MAP3K4: variants seen among roughly 807,000 people sequenced by gnomAD.
MAP3K4 encodes mitogen-activated protein kinase kinase kinase 4, also known as MAP three kinase 1.
A neutral mutation model predicts 185.6 loss-of-function variants in MAP3K4; 67 were observed. The observed-to-expected ratio is 0.36, with a 90% CI of 0.30 to 0.44. The LOEUF is 0.44. Ranked by LOEUF, MAP3K4 falls within the 20% of genes least tolerant of loss-of-function variation. The pLI is 1.00. For missense variants in MAP3K4, 1,551 were observed against 1,995.1 expected, an observed-to-expected ratio of 0.78 and a Z score of 4.24; for synonymous variants, 702 against 710.4, an observed-to-expected ratio of 0.99 and a Z score of 0.19.
intron 1 of MAP3K4, among the ~76,000 whole-genome samples, chr6:161,019,085 T>A (rs191500484): frequency 9.1e-4 from 139 of 152,294 alleles, no homozygotes; most frequent in African/African-American, 3.2e-3. Context: ...GTATTGAGTT[T>A]TAGGAGAAAA....
At chr6:161,069,386 A>G (rs778977818) in intron 3 of MAP3K4, among the ~76,000 whole-genome samples, 64 of 152,292 alleles carry the variant, frequency 4.2e-4, no homozygotes, top group Non-Finnish European at 8.1e-4. Flanking sequence ...TGAAGTGGAA[A>G]ATAAAGAGGC....
rs2114759692 is a variant in MAP3K4, at chr6:161,048,522, T to C, written c.344-94T>C. ...TTCTTCCATTAGCAGTCTGAAAATA[T>C]AAATATGTGTGAATACCAGTTTTAT... On this transcript the variant is annotated intron_variant, in intron 2 of 26. Transcript: ENST00000392142. The surrounding 1 kb of genome is among the most constrained non-coding windows in gnomAD (Gnocchi z 4.7). 3.7e-6 allele frequency: 3 copies of C among 807,658 alleles called. No homozygotes were observed. The highest frequency in any genetic ancestry group is 2.0e-5 in the South Asian group (1 of 49,376). The allele number at this position is 807,658 out of a possible 1,614,324, so 50.0% of individuals were successfully genotyped here. A position where few individuals can be genotyped will look rare whatever the true frequency, so the allele number is the denominator to read the frequency against.
At chr6:160,997,130 C>T (rs1250147332) in intron 1 of MAP3K4, among the ~76,000 whole-genome samples, 2 of 152,018 alleles carry the variant, frequency 1.3e-5, no homozygotes, top group Admixed American at 6.6e-5. Flanking sequence ...TATATTTTAT[C>T]CTTCTCACTT....
chr6:161,100,769 T>G lies in MAP3K4; in HGVS notation c.3675-1123T>G, dbSNP rs923467915. ...AAAATTAGAGGTGTTTAGTGACTTC[T>G]TGGTCTCACCAGTGGTCTTTGTTGC... On this transcript the variant is annotated intron_variant, in intron 17 of 26. Transcript: ENST00000392142. This position sits in a 1 kb window ranked among gnomAD's most constrained non-coding sequence, Gnocchi z 5.8. Among the ~76,000 whole-genome samples, 2 of 152,232 alleles carry G rather than the reference T, an allele frequency of 1.3e-5. No homozygotes were observed. The highest frequency in any genetic ancestry group is 4.8e-5 in the African/African-American group (2 of 41,470).
At chr6:161,001,492 G>C (rs1038353719) in intron 1 of MAP3K4, among the ~76,000 whole-genome samples, 16 of 151,990 alleles carry the variant, frequency 1.1e-4, no homozygotes, top group African/African-American at 3.6e-4. Context: ...TGTCCTCAGA[G>C]CCCCTGCAGT....
intron 2 of MAP3K4, among the ~76,000 whole-genome samples, chr6:161,039,060 G>A (rs1465698348): frequency 2.6e-5 from 4 of 152,068 alleles, no homozygotes; most frequent in Non-Finnish European, 4.4e-5. Flanking sequence ...CTTAGCTTCC[G>A]CGGTTGTGCA....
rs1294963005 is a variant in MAP3K4 at position 161,063,212 on chromosome 6, T to TC, written c.1708-7395dup. The stretch of plus-strand genomic sequence containing the variant: ...TGAGTTCTATCACTGAGGTTTTTTT[T>TC]CTAATTCTAATTTTTGTCATTATTT... On this transcript the variant is annotated intron_variant, in intron 3 of 26. Transcript: ENST00000392142. This position sits in a 1 kb window ranked among gnomAD's most constrained non-coding sequence, Gnocchi z 5.4. Among the ~76,000 whole-genome samples the TC allele has an allele frequency of 6.6e-6, 1 of 152,110 alleles. No homozygotes were observed. Among genetic ancestry groups the TC allele is most frequent in the African/African-American group, 2.4e-5 (1 of 41,454 alleles).
At chr6:161,026,777 C>A (rs1782693712) in intron 1 of MAP3K4, among the ~76,000 whole-genome samples, 2 of 110,910 alleles carry the variant, frequency 1.8e-5, no homozygotes, top group African/African-American at 3.6e-5. Context: ...ATTGGAAAGT[C>A]TGGTTAACCA....
At chr6:161,050,969 A>G (rs1182103504) in intron 3 of MAP3K4, among the ~76,000 whole-genome samples, 1 of 152,248 alleles carries the variant, frequency 6.6e-6, no homozygotes. Flanking sequence ...CCCTCATACA[A>G]AATGATGCAG....
rs1785109569 is a variant in MAP3K4, at chr6:161,075,081, A to G, written c.2097+1469A>G. Among the ~76,000 whole-genome samples, 3 of 152,250 alleles carry G rather than the reference A, an allele frequency of 2.0e-5. No individual in the cohort carries two copies. Among genetic ancestry groups the G allele is most frequent in the Admixed American group, 6.5e-5 (1 of 15,278 alleles). On this transcript the variant is annotated intron_variant, in intron 5 of 26. Coordinates refer to ENST00000392142, the MANE Select transcript of MAP3K4 (RefSeq NM_005922.4). This position sits in a 1 kb window ranked among gnomAD's most constrained non-coding sequence, Gnocchi z 4.3. ...TATATCTGGCATATTGCAAGAAATC[A>G]TTTTAATGAGTTAGAAGTTATTCTC...
At position 161,086,138 on chromosome 6, in the gene MAP3K4, A is replaced by G. The variant is rs1239804838; in HGVS notation, c.2373-241A>G. Among the ~76,000 whole-genome samples the G allele has an allele frequency of 6.6e-6, 1 of 152,228 alleles. No homozygotes were observed. The highest frequency in any genetic ancestry group is 2.4e-5 in the African/African-American group (1 of 41,470). ...GAAAATTGAGCTTCCTATTATTTGA[A>G]GGTTATTAAATGTGCCCTGCTTACA... On this transcript the variant is annotated intron_variant, in intron 7 of 26. Transcript: ENST00000392142. This position sits in a 1 kb window ranked among gnomAD's most constrained non-coding sequence, Gnocchi z 4.8.
In MAP3K4 at chr6:161,112,026, C is replaced by G; in HGVS notation, c.4519+68C>G. ...AGCCTGCTTGGGGCCTGCATGTTCC[C>G]TTCACCTTTGTTTGTCAGTAGAGAT... On this transcript the variant is annotated intron_variant, in intron 24 of 26. Transcript: ENST00000392142. This position sits in a 1 kb window ranked among gnomAD's most constrained non-coding sequence, Gnocchi z 5.1. 1 of 1,579,780 alleles carries G rather than the reference C, an allele frequency of 6.3e-7. No homozygotes were observed. The highest frequency in any genetic ancestry group is 8.6e-7 in the Non-Finnish European group (1 of 1,161,232).
At chr6:161,102,842 G>C in intron 19 of MAP3K4, 63 bp downstream of exon 19, 1 of 1,145,748 alleles carries the variant, frequency 8.7e-7, no homozygotes, top group Non-Finnish European at 1.2e-6. Flanking sequence ...ACACATAAGG[G>C]GAGCAGTTTC....
Position 161,097,307 on chromosome 6 carries a change from T to A in MAP3K4, c.3524+131T>A. Reference sequence around the variant, plus strand: ...CTGCATTGTTCGTACGTAAAAGCTCTTACTTGCATTATCTTGAAACCTTTA... The same window carrying A: ...CTGCATTGTTCGTACGTAAAAGCTCATACTTGCATTATCTTGAAACCTTTA... On this transcript the variant is annotated intron_variant, in intron 16 of 26. Coordinates refer to ENST00000392142, the MANE Select transcript of MAP3K4 (RefSeq NM_005922.4). This position sits in a 1 kb window ranked among gnomAD's most constrained non-coding sequence, Gnocchi z 4.9. 1.5e-6 allele frequency: 1 copy of A among 661,276 alleles called. No individual in the cohort carries two copies. The highest frequency in any genetic ancestry group is 2.5e-6 in the Non-Finnish European group (1 of 394,350). The allele number at this position is 661,276 out of a possible 1,614,324, so 41.0% of individuals were successfully genotyped here.
In MAP3K4 at chr6:161,056,992, T is replaced by C. The variant is rs1436814962; in HGVS notation, c.1707+7013T>C. 2.0e-5 allele frequency among the ~76,000 whole-genome samples: 3 copies of C among 152,210 alleles called. No homozygotes were observed. Among genetic ancestry groups the C allele is most frequent in the Non-Finnish European group, 2.9e-5 (2 of 68,034 alleles). On this transcript the variant is annotated intron_variant, in intron 3 of 26. Coordinates refer to ENST00000392142, the MANE Select transcript of MAP3K4 (RefSeq NM_005922.4). The surrounding 1 kb of genome is among the most constrained non-coding windows in gnomAD (Gnocchi z 5.4). ...CTCCTTTTTGATTTCCTTATGAACT[T>C]TATTTTCAGAAGAATAAGATGAATA...
In MAP3K4 at chr6:161,112,570, A is replaced by G. The variant is rs1778403713; in HGVS notation, c.4520-98A>G. ...ATATTTCCCATTACCTAATGCAGGAAGATAATATTGTACAATATTAATTTA... is the reference window on the plus strand; with the variant it reads ...ATATTTCCCATTACCTAATGCAGGAGGATAATATTGTACAATATTAATTTA... On this transcript the variant is annotated intron_variant, in intron 24 of 26. Coordinates refer to ENST00000392142, the MANE Select transcript of MAP3K4 (RefSeq NM_005922.4). The surrounding 1 kb of genome is among the most constrained non-coding windows in gnomAD (Gnocchi z 5.1). The G allele has an allele frequency of 1.3e-6, 1 of 746,318 alleles. No homozygotes were observed. 46.2% of individuals were successfully genotyped at this position (746,318 alleles called of 1,614,324 possible).
intron 7 of MAP3K4, among the ~76,000 whole-genome samples, chr6:161,085,052 C>A (rs1785637510): frequency 6.6e-6 from 1 of 151,490 alleles, no homozygotes; most frequent in Admixed American, 6.6e-5. Flanking sequence ...GAGGCTGAGG[C>A]AGAAAATTTC....
At chr6:161,015,997 T>A (rs1583112115) in intron 1 of MAP3K4, among the ~76,000 whole-genome samples, 1 of 152,226 alleles carries the variant, frequency 6.6e-6, no homozygotes, top group East Asian at 1.9e-4. Context: ...TTATAAATAA[T>A]ACTGCTATAT....
intron 15 of MAP3K4, among the ~76,000 whole-genome samples, chr6:161,095,307 A>C (rs775722866): frequency 4.1e-4 from 63 of 152,306 alleles, no homozygotes; most frequent in Admixed American, 1.5e-3. Context: ...GATGCTAATG[A>C]GGATTAAATA....
Sources: allele counts gnomAD v4.1 joint callset (sites outside exome capture counted in the v4.1 genomes callset), GRCh38; gene constraint gnomAD v4.1.1; non-coding constraint Gnocchi (gnomAD v3.1); transcripts MANE v1.5; gene names NCBI Gene and HGNC (gene_info 2026-07-23, HGNC 2026-07-21).